The following DGKI variants were observed in gnomAD, a reference collection of about 807,000 sequenced individuals.
DGKI encodes DAG kinase iota.
DGKI carries 55 observed loss-of-function variants against 147.5 expected under a neutral mutation model. The ratio of observed to expected loss-of-function variants is 0.37; its 90% CI spans 0.30 to 0.47. The LOEUF (loss-of-function observed/expected upper bound fraction) is 0.47. Ranked by LOEUF, DGKI falls within the 20% of genes least tolerant of loss-of-function variation. DGKI has a pLI of 1.00. For missense variants in DGKI, 1,007 were observed against 1,323.8 expected, an observed-to-expected ratio of 0.76 and a Z score of 3.71; for synonymous variants, 469 against 477.1, an observed-to-expected ratio of 0.98 and a Z score of 0.22.
chr7:137,794,400 G>A (rs1796961593), intron 1 of DGKI, among the ~76,000 whole-genome samples: 1 of 152,210 alleles, frequency 6.6e-6, no homozygotes, highest in South Asian at 2.1e-4. Flanking sequence ...AGATACTTCT[G>A]AAATTTAAGT....
intron 1 of DGKI, among the ~76,000 whole-genome samples, chr7:137,732,641 A>C (rs1472087236): frequency 6.6e-6 from 1 of 151,984 alleles, no homozygotes; most frequent in Non-Finnish European, 1.5e-5. Flanking sequence ...AAACCTCCTC[A>C]TGTGCCACAA....
At chr7:137,639,192 A>G (rs978625160) in intron 6 of DGKI, among the ~76,000 whole-genome samples, 33 of 152,212 alleles carry the variant, frequency 2.2e-4, no homozygotes, top group Non-Finnish European at 1.5e-5. Context: ...CAACAGAGAG[A>G]GCAAAAACAT....
At chr7:137,745,203 T>C (rs1795287357) in intron 1 of DGKI, among the ~76,000 whole-genome samples, 1 of 152,240 alleles carries the variant, frequency 6.6e-6, no homozygotes, top group Non-Finnish European at 1.5e-5. Context: ...TGTTGTTAGA[T>C]ACAAACTAGC....
At chr7:137,768,855 C>G (rs910954186) in intron 1 of DGKI, among the ~76,000 whole-genome samples, 1 of 152,134 alleles carries the variant, frequency 6.6e-6, no homozygotes, top group Non-Finnish European at 1.5e-5. Flanking sequence ...ATTCAATGGT[C>G]TATATGGCGG....
chr7:137,753,244 G>T (rs535867255), intron 1 of DGKI, among the ~76,000 whole-genome samples: 1 of 152,310 alleles, frequency 6.6e-6, no homozygotes, highest in African/African-American at 2.4e-5. Flanking sequence ...GCTGCAAACT[G>T]ATCCCCAGGA....
chr7:137,670,100 A>G (rs1245045431), intron 3 of DGKI, among the ~76,000 whole-genome samples: 6 of 152,218 alleles, frequency 3.9e-5, no homozygotes, highest in Admixed American at 3.9e-4. Context: ...AGTGTTTTCA[A>G]AATTTATGGT....
intron 20 of DGKI, among the ~76,000 whole-genome samples, chr7:137,522,892 ATTGG>A (rs1315918083): frequency 6.6e-6 from 1 of 151,988 alleles, no homozygotes; most frequent in East Asian, 1.9e-4. Flanking sequence ...CTGGGATTTC[ATTGG>A]TTGAGAGAAT....
chr7:137,395,620 G>C lies in DGKI; in HGVS notation c.3035C>G (p.Ser1012Cys). 1 of 1,614,132 alleles carries C rather than the reference G, an allele frequency of 6.2e-7. No homozygotes were observed. The highest frequency in any genetic ancestry group is 8.5e-7 in the Non-Finnish European group (1 of 1,179,940). Reference protein sequence around the residue: ...VCQLLVDAGASLRKTDSKGKT... With the variant: ...VCQLLVDAGACLRKTDSKGKT... ...TACCTTGGAGTCCGTCTTTCTCAGA[G>C]ATGCTCCTGCATCCACCAGAAGCTG... Residue 1012 changes from serine (S) to cysteine (C), a missense_variant, in exon 32 of 33, where the codon TCT becomes TGT. By Grantham distance (112) the Ser-to-Cys change is moderately radical. Transcript: ENST00000614521.
At chr7:137,714,834 C>T (rs1466179087) in intron 1 of DGKI, among the ~76,000 whole-genome samples, 1 of 152,202 alleles carries the variant, frequency 6.6e-6, no homozygotes, top group Non-Finnish European at 1.5e-5. Flanking sequence ...ACCTCCCTGT[C>T]GTCCTTCATG....
intron 23 of DGKI, among the ~76,000 whole-genome samples, chr7:137,472,034 A>C (rs1323780857): frequency 2.3e-5 from 3 of 132,132 alleles, no homozygotes; most frequent in Non-Finnish European, 3.1e-5. Context: ...TATTATATAC[A>C]CACTATATAT....
intron 6 of DGKI, 28 bp downstream of exon 6, chr7:137,645,444 C>T (rs201544838): frequency 5.9e-5 from 94 of 1,606,366 alleles, no homozygotes; most frequent in East Asian, 3.8e-4. Context: ...GAGCCTCCTG[C>T]GAGGCCATGA....
At chr7:137,556,403 T>C (rs1283677868) in intron 19 of DGKI, among the ~76,000 whole-genome samples, 1 of 151,596 alleles carries the variant, frequency 6.6e-6, no homozygotes, top group Non-Finnish European at 1.5e-5. Context: ...AAAAAAGAAT[T>C]AAAAGAAAAA....
intron 1 of DGKI, among the ~76,000 whole-genome samples, chr7:137,816,858 G>A (rs543544236): frequency 4.9e-4 from 74 of 152,220 alleles, no homozygotes; most frequent in Non-Finnish European, 1.0e-3. Context: ...AGGGAGTCTC[G>A]ACCTTGGCAC....
Position 137,641,688 on chromosome 7 carries a change from C to A in DGKI, c.804+3784G>T, listed in dbSNP as rs573255596. Among the ~76,000 whole-genome samples, 26 of 152,192 alleles carry A rather than the reference C, an allele frequency of 1.7e-4. 1 individual carries two copies. Among genetic ancestry groups the A allele is most frequent in the African/African-American group, 6.0e-4 (25 of 41,452 alleles). On this transcript the variant is annotated intron_variant, in intron 6 of 32. Transcript: ENST00000614521. ...AATCCAAAAAACTTCTGGTTCCCGG[C>A]ATTTCAGATAAGGGATATTCAATGT...
At chr7:137,825,020 A>G (rs1284379929) in intron 1 of DGKI, among the ~76,000 whole-genome samples, 1 of 152,154 alleles carries the variant, frequency 6.6e-6, no homozygotes, top group African/African-American at 2.4e-5. Context: ...CAGTGAACAT[A>G]TGTATGCATG....
At position 137,444,077 on chromosome 7, in the gene DGKI, C is replaced by T; in HGVS notation, c.2761G>A (p.Ala921Thr). The T allele has an allele frequency of 6.4e-7, 1 of 1,565,342 alleles. No homozygotes were observed. Among genetic ancestry groups the T allele is most frequent in the Non-Finnish European group, 8.7e-7 (1 of 1,154,020 alleles). Residue 921 changes from alanine (A) to threonine (T), a missense_variant and splice_region_variant, in exon 28 of 33, where the codon GCA (alanine) becomes ACA (threonine). Transcript: ENST00000614521. Reference protein sequence around the residue: ...LQSPVSSEDHAILQAVIAGDL... With the variant: ...LQSPVSSEDHTILQAVIAGDL... Reference sequence around the variant, plus strand: ...TATAAATAAGACAGATGATTCTTACCATGATCTTCTGAAGAGACTGGTGAC... The same window carrying T: ...TATAAATAAGACAGATGATTCTTACTATGATCTTCTGAAGAGACTGGTGAC...
chr7:137,624,160 T>C (rs1372516518), intron 6 of DGKI, among the ~76,000 whole-genome samples: 3 of 152,186 alleles, frequency 2.0e-5, no homozygotes, highest in Non-Finnish European at 4.4e-5. Flanking sequence ...GTAAACCTAA[T>C]CCTCTTAAAG....
intron 1 of DGKI, among the ~76,000 whole-genome samples, chr7:137,748,282 A>G (rs1024831262): frequency 1.3e-5 from 2 of 152,010 alleles, no homozygotes; most frequent in South Asian, 4.2e-4. Flanking sequence ...CACATATAAT[A>G]CTATTTGTAT....
Position 137,407,943 on chromosome 7 carries a change from T to C in DGKI, c.2852A>G (p.His951Arg). Residue 951 changes from histidine to arginine, a missense_variant, in exon 30 of 33, where the codon CAC (histidine) becomes CGC (arginine). Transcript: ENST00000614521. ...AGCTGCGTAGTGAAGGAGTGAACAG[T>C]GGTCTGGTCCCTGAATTAGCAGACT... ...GGSLLIQGPD[H>R]CSLLHYAAKT... The C allele has an allele frequency of 6.2e-7, 1 of 1,614,128 alleles. No homozygotes were observed. The highest frequency in any genetic ancestry group is 8.5e-7 in the Non-Finnish European group (1 of 1,179,964).
Sources: allele counts gnomAD v4.1 joint callset (sites outside exome capture counted in the v4.1 genomes callset), GRCh38; gene constraint gnomAD v4.1.1; transcripts MANE v1.5; gene names NCBI Gene and HGNC (gene_info 2026-07-23, HGNC 2026-07-21).